Variants in ANKS1B observed in about 807,000 individuals in gnomAD.
ANKS1B encodes ankyrin repeat and sterile alpha motif domain-containing protein 1B.
Under a neutral mutation model 148.3 loss-of-function variants are expected in ANKS1B, and 36 were observed. That is an observed-to-expected ratio of 0.24 (90% CI 0.19 to 0.32). The LOEUF is 0.32. Among genes scored for constraint, ANKS1B ranks in the 10% least tolerant of loss-of-function variants. The pLI, the probability that ANKS1B is intolerant of heterozygous loss-of-function variation, is 1.00. For missense variants in ANKS1B, 1,157 were observed against 1,542.6 expected (o/e 0.75, Z 4.19); for synonymous variants, 542 against 560.8 (o/e 0.97, Z 0.47).
At chr12:99,681,355 A>T (rs1471052915) in intron 8 of ANKS1B, among the ~76,000 whole-genome samples, 1 of 152,216 alleles carries the variant, frequency 6.6e-6, no homozygotes, top group Admixed American at 6.5e-5. Context: ...CCATGTGACA[A>T]CTTCACTGCT....
intron 12 of ANKS1B, among the ~76,000 whole-genome samples, chr12:99,254,411 T>C (rs1388752810): frequency 6.6e-6 from 1 of 152,232 alleles, no homozygotes; most frequent in Non-Finnish European, 1.5e-5. Flanking sequence ...AGTAGAGTTG[T>C]TCAGAGGCTA....
At chr12:99,513,810 T>A (rs890445310) in intron 9 of ANKS1B, among the ~76,000 whole-genome samples, 1 of 152,070 alleles carries the variant, frequency 6.6e-6, no homozygotes, top group African/African-American at 2.4e-5. Flanking sequence ...AAGTATCTTC[T>A]TTGTCTCCAG....
intron 9 of ANKS1B, among the ~76,000 whole-genome samples, chr12:99,565,639 T>TGA (rs2097382908): frequency 6.6e-6 from 1 of 152,174 alleles, no homozygotes; most frequent in Non-Finnish European, 1.5e-5. Flanking sequence ...ATCCTTCCTT[T>TGA]TTCATGAAAG....
chr12:99,776,675 T>C (rs1379944235), intron 6 of ANKS1B, among the ~76,000 whole-genome samples: 2 of 126,662 alleles, frequency 1.6e-5, no homozygotes, highest in Non-Finnish European at 3.3e-5. Context: ...TTTTTTTGTT[T>C]CTTTTTGGTT....
chr12:99,386,710 A>G (rs2093873908), intron 12 of ANKS1B, among the ~76,000 whole-genome samples: 1 of 152,208 alleles, frequency 6.6e-6, no homozygotes, highest in African/African-American at 2.4e-5. Context: ...AAGAAAAATG[A>G]ATATCTTCCT....
chr12:99,453,352 T>TA (rs1266189892), intron 10 of ANKS1B, among the ~76,000 whole-genome samples: 2 of 151,846 alleles, frequency 1.3e-5, no homozygotes, highest in Non-Finnish European at 2.9e-5. Context: ...GAATAGGTTA[T>TA]AAAAAAAGAC....
At chr12:99,166,969 G>A (rs1048527449) in intron 14 of ANKS1B, among the ~76,000 whole-genome samples, 1 of 152,012 alleles carries the variant, frequency 6.6e-6, no homozygotes, top group Non-Finnish European at 1.5e-5. Flanking sequence ...CACACAGAGG[G>A]TCAACTGAGT....
chr12:99,180,784 A>G (rs2079025170), intron 14 of ANKS1B, among the ~76,000 whole-genome samples: 1 of 152,076 alleles, frequency 6.6e-6, no homozygotes, highest in Non-Finnish European at 1.5e-5. Flanking sequence ...TGGTTTGCTG[A>G]CTACTTTGAA....
chr12:99,487,966 G>T (rs2096515684), intron 10 of ANKS1B, among the ~76,000 whole-genome samples: 1 of 151,956 alleles, frequency 6.6e-6, no homozygotes, highest in Admixed American at 6.6e-5. Context: ...AATCCTATCA[G>T]TTTTGGCTTT....
intron 15 of ANKS1B, among the ~76,000 whole-genome samples, chr12:99,149,456 T>C (rs543774755): frequency 1.3e-5 from 2 of 152,264 alleles, no homozygotes; most frequent in Admixed American, 1.3e-4. Context: ...TGCCAATTCA[T>C]GTAGGGCTAT....
At chr12:98,955,975 C>G (rs2099861526) in intron 17 of ANKS1B, among the ~76,000 whole-genome samples, 1 of 152,200 alleles carries the variant, frequency 6.6e-6, no homozygotes, top group Admixed American at 6.5e-5. Context: ...TGGGATGTGA[C>G]ATTGGAAATC....
chr12:98,800,675 G>GATAGATATATATATATAT (rs2098995410), intron 21 of ANKS1B, among the ~76,000 whole-genome samples: 1 of 99,656 alleles, frequency 1.0e-5, no homozygotes, highest in African/African-American at 3.4e-5. Context: ...AGTGAGCAGA[G>GATAGATATATATATATAT]ATATATATAT....
chr12:99,312,926 G>A (rs1177241884), intron 12 of ANKS1B, among the ~76,000 whole-genome samples: 1 of 151,968 alleles, frequency 6.6e-6, no homozygotes, highest in Non-Finnish European at 1.5e-5. Context: ...TAAGATGAGA[G>A]CAGAACTGAA....
chr12:99,900,505 C>CA (rs71303560), intron 1 of ANKS1B, among the ~76,000 whole-genome samples: 15,488 of 69,654 alleles, frequency 0.22, 2,324 homozygotes, highest in Non-Finnish European at 0.34. Context: ...GACTCCATCT[C>CA]AAAAAAAAAA....
At chr12:99,569,464 C>T (rs1460104131) in intron 9 of ANKS1B, among the ~76,000 whole-genome samples, 1 of 152,178 alleles carries the variant, frequency 6.6e-6, no homozygotes, top group African/African-American at 2.4e-5. Flanking sequence ...AAAGGTACTA[C>T]ATGTAAAATA....
chr12:98,742,515 T>C (rs2097807515), downstream of ANKS1B, among the ~76,000 whole-genome samples: 1 of 152,248 alleles, frequency 6.6e-6, no homozygotes, highest in African/African-American at 2.4e-5. Context: ...AGGAAAGTGA[T>C]GCCACGCTAA....
rs549676400 is a variant in ANKS1B, at chr12:99,401,109, G to C, written c.1576-1298C>G. ...GGTATAAATATTGTTATGCAAGAGA[G>C]TGCAAGTCATTTATTATTATGACAC... On this transcript the variant is annotated intron_variant, in intron 11 of 26. Transcript: ENST00000683438. Among the ~76,000 whole-genome samples the C allele has an allele frequency of 4.8e-4, 70 of 146,202 alleles. 8 individuals carry two copies. The highest frequency in any genetic ancestry group is 1.7e-3 in the African/African-American group (67 of 38,686).
intron 1 of ANKS1B, among the ~76,000 whole-genome samples, chr12:99,907,827 A>C (rs948693916): frequency 5.3e-5 from 8 of 151,246 alleles, no homozygotes; most frequent in Admixed American, 1.3e-4. Context: ...AAAAAAAAAA[A>C]AAAAAAAAAA....
At chr12:99,197,809 CA>C (rs1213682700) in intron 14 of ANKS1B, among the ~76,000 whole-genome samples, 5 of 152,014 alleles carry the variant, frequency 3.3e-5, no homozygotes, top group African/African-American at 1.2e-4. Context: ...GATTTTAGCT[CA>C]ATCAGACTTT....
Sources: gnomAD v4.1 joint callset for allele counts (sites outside exome capture counted in the v4.1 genomes callset) on GRCh38, gnomAD v4.1.1 for gene constraint, MANE v1.5 for transcripts, NCBI Gene and HGNC (gene_info 2026-07-23, HGNC 2026-07-21) for gene names.